The following SLC16A7 variants were observed in gnomAD, a reference collection of about 807,000 sequenced individuals.
SLC16A7 encodes monocarboxylate transporter 2.
In SLC16A7, 33 loss-of-function variants were observed where a neutral mutation model predicts 34.9. The ratio of observed to expected loss-of-function variants is 0.94; its 90% confidence interval spans 0.72 to 1.26. The LOEUF is 1.26. Among genes scored for constraint, SLC16A7 ranks in the 50% most tolerant of loss-of-function variants. The probability of loss-of-function intolerance (pLI) is 0.00; values close to 1 mark genes in which losing one functional copy is unlikely to be tolerated. For missense variants in SLC16A7, 573 were observed against 578.1 expected (o/e 0.99, Z 0.09); for synonymous variants, 201 against 206.6 (o/e 0.97, Z 0.23).
intron 3 of SLC16A7, among the ~76,000 whole-genome samples, chr12:59,762,293 A>T (rs1481509857): frequency 6.6e-6 from 1 of 152,152 alleles, no homozygotes; most frequent in Non-Finnish European, 1.5e-5. Context: ...CTCTTCATGA[A>T]AAGCTTTCTT....
chr12:59,644,236 C>T (rs895536337), intron 1 of SLC16A7, among the ~76,000 whole-genome samples: 8 of 152,068 alleles, frequency 5.3e-5, no homozygotes, highest in South Asian at 4.1e-4. Context: ...CGGATGTTAA[C>T]GACAACCTAG....
chr12:59,773,128 T>C (rs1882396612), intron 4 of SLC16A7, among the ~76,000 whole-genome samples: 2 of 151,916 alleles, frequency 1.3e-5, no homozygotes, highest in South Asian at 2.1e-4. Context: ...CCTTAAGCTC[T>C]GAAACATAAT....
chr12:59,764,164 A>G (rs1467812649), intron 3 of SLC16A7: 1 of 152,188 alleles, frequency 6.6e-6, no homozygotes, highest in Non-Finnish European at 1.5e-5. Context: ...TTGTGAATGC[A>G]AAGGAAAAGT....
intron 3 of SLC16A7, among the ~76,000 whole-genome samples, chr12:59,767,880 G>C (rs1400342993): frequency 6.7e-6 from 1 of 149,652 alleles, no homozygotes; most frequent in African/African-American, 2.5e-5. Context: ...ACTCATAGGT[G>C]GGAATTGAAC....
chr12:59,668,578 G>GC (rs2137042222), intron 2 of SLC16A7, among the ~76,000 whole-genome samples: 1 of 152,244 alleles, frequency 6.6e-6, no homozygotes, highest in African/African-American at 2.4e-5. Flanking sequence ...GAACTAACTT[G>GC]CTTTTGATTT....
At chr12:59,615,493 G>A (rs1487072839) in intron 1 of SLC16A7, among the ~76,000 whole-genome samples, 1 of 152,118 alleles carries the variant, frequency 6.6e-6, no homozygotes, top group Non-Finnish European at 1.5e-5. Flanking sequence ...TCTCTTGTAA[G>A]AGGAATTTTC....
chr12:59,776,498 A>G (rs1005930597), intron 5 of SLC16A7, among the ~76,000 whole-genome samples: 3 of 152,322 alleles, frequency 2.0e-5, no homozygotes, highest in Admixed American at 6.5e-5. Context: ...ACCGGACTTA[A>G]GTATTCACTT....
intron 2 of SLC16A7, among the ~76,000 whole-genome samples, chr12:59,703,336 G>A (rs3847655): frequency 0.27 from 41,609 of 151,726 alleles, 5,970 homozygotes; most frequent in East Asian, 0.36. Flanking sequence ...TTTTACCTAC[G>A]TTGTCTAATA....
chr12:59,665,065 G>T (rs937008414), intron 2 of SLC16A7: 1 of 152,056 alleles, frequency 6.6e-6, no homozygotes, highest in African/African-American at 2.4e-5. Flanking sequence ...ATAACAATGA[G>T]AAACTTTATA....
intron 1 of SLC16A7, among the ~76,000 whole-genome samples, chr12:59,636,271 C>G (rs987132035): frequency 6.6e-6 from 1 of 151,918 alleles, no homozygotes; most frequent in Non-Finnish European, 1.5e-5. Context: ...TGTCAAGAAA[C>G]AATCAAAGAG....
intron 3 of SLC16A7, among the ~76,000 whole-genome samples, chr12:59,714,801 G>A (rs1430246285): frequency 6.6e-6 from 1 of 152,076 alleles, no homozygotes; most frequent in African/African-American, 2.4e-5. Flanking sequence ...CTGACCTCAG[G>A]TGATCCACCC....
At chr12:59,643,635 C>T (rs1880782854) in intron 1 of SLC16A7, among the ~76,000 whole-genome samples, 1 of 152,064 alleles carries the variant, frequency 6.6e-6, no homozygotes, top group Non-Finnish European at 1.5e-5. Flanking sequence ...TACTTACTTC[C>T]CTGTGGGCAA....
chr12:59,632,884 A>T (rs916515271), intron 1 of SLC16A7, among the ~76,000 whole-genome samples: 1 of 151,930 alleles, frequency 6.6e-6, no homozygotes, highest in African/African-American at 2.4e-5. Context: ...GGAAGAAGGG[A>T]TTGAAGAGAG....
At chr12:59,719,018 G>A (rs1487816017) in intron 3 of SLC16A7, among the ~76,000 whole-genome samples, 3 of 152,084 alleles carry the variant, frequency 2.0e-5, no homozygotes, top group Non-Finnish European at 2.9e-5. Context: ...TGTCACATGT[G>A]AGAATGTATA....
At chr12:59,741,787 G>T (rs1174293234) in intron 3 of SLC16A7, among the ~76,000 whole-genome samples, 1 of 152,094 alleles carries the variant, frequency 6.6e-6, no homozygotes, top group Non-Finnish European at 1.5e-5. Context: ...TGTGTTCAAT[G>T]TTCACTTTGT....
intron 2 of SLC16A7, among the ~76,000 whole-genome samples, chr12:59,677,491 A>G (rs1459143869): frequency 6.6e-6 from 1 of 152,154 alleles, no homozygotes; most frequent in African/African-American, 2.4e-5. Flanking sequence ...TTCAGGTCAA[A>G]TATCTGTCTC....
chr12:59,610,135 C>T (rs1040441350), intron 1 of SLC16A7, among the ~76,000 whole-genome samples: 69 of 152,092 alleles, frequency 4.5e-4, no homozygotes, highest in African/African-American at 1.6e-3. Context: ...TCCCTCTTTG[C>T]ACACACAATT....
In SLC16A7 at chr12:59,615,282, CACAA is replaced by C. The variant is rs529814472; in HGVS notation, c.-130+19050_-130+19053del. On this transcript the variant is annotated intron_variant, in intron 1 of 5. Transcript: ENST00000547379. Reference sequence around the variant, plus strand: ...TTCTGTGGTATTGTTTTTATAGCAGCACAAACAGACTAAGAGAACAGGTCTCTCC... The same window carrying C: ...TTCTGTGGTATTGTTTTTATAGCAGCACAGACTAAGAGAACAGGTCTCTCC... Among the ~76,000 whole-genome samples, 584 of 152,004 alleles carry C rather than the reference CACAA, an allele frequency of 3.8e-3. 2 individuals are homozygous for C. Among genetic ancestry groups the C allele is most frequent in the African/African-American group, 0.013 (555 of 41,476 alleles).
intron 1 of SLC16A7, among the ~76,000 whole-genome samples, chr12:59,600,966 G>C (rs1348551846): frequency 6.6e-6 from 1 of 152,068 alleles, no homozygotes; most frequent in Non-Finnish European, 1.5e-5. Context: ...CTGGCCTAAA[G>C]GTACTTTCGT....
Sources: allele counts gnomAD v4.1 joint callset (sites outside exome capture counted in the v4.1 genomes callset), GRCh38; gene constraint gnomAD v4.1.1; transcripts MANE v1.5; gene names NCBI Gene and HGNC (gene_info 2026-07-23, HGNC 2026-07-21).